The following ATP8B3 variants were observed in gnomAD, a reference collection of about 807,000 sequenced individuals.
The protein encoded by ATP8B3 is ATPase phospholipid transporting 8B3.
A neutral mutation model predicts 140.9 loss-of-function variants in ATP8B3; 141 were observed. The ratio of observed to expected loss-of-function variants is 1.00; its 90% CI spans 0.87 to 1.15. The LOEUF is 1.15. Among genes scored for constraint, ATP8B3 ranks in the 50% most tolerant of loss-of-function variants. The probability of loss-of-function intolerance (pLI) is 0.00; values close to 1 mark genes in which losing one functional copy is unlikely to be tolerated. For synonymous variants in ATP8B3, 765 were observed against 714.6 expected (o/e 1.07, Z -1.13); for missense variants, 1,874 against 1,740.6 (o/e 1.08, Z -1.36).
rs1224465181 is a variant in ATP8B3, at chr19:1,806,599, C to T, written c.677+29G>A. 9.7e-6 allele frequency: 15 copies of T among 1,551,376 alleles called. No individual in the cohort carries two copies. The highest frequency in any genetic ancestry group is 5.9e-5 in the South Asian group (5 of 84,104). On this transcript the variant is annotated intron_variant, in intron 7 of 28. Transcript: ENST00000310127. The surrounding 1 kb of genome is among the most constrained non-coding windows in gnomAD (Gnocchi z 5.6). ...CTGGGCTGGAGCCCCCGTGTCCCCG[C>T]GGATCCCCAGCTGCAGCCCCAGCCT...
In ATP8B3 at chr19:1,806,869, T is replaced by C. The variant is rs1397505150; in HGVS notation, c.616-180A>G. ...GTGGGGGCCACTGGACCCACTGCTA[T>C]TGGCGGGGAGAAGACAGGCGTGCTG... On this transcript the variant is annotated intron_variant, in intron 6 of 28. Coordinates refer to ENST00000310127, the MANE Select transcript of ATP8B3 (RefSeq NM_138813.4). The surrounding 1 kb of genome is among the most constrained non-coding windows in gnomAD (Gnocchi z 5.6). Among the ~76,000 whole-genome samples, 2 of 152,064 alleles carry C rather than the reference T, an allele frequency of 1.3e-5. No homozygotes were observed. Among genetic ancestry groups the C allele is most frequent in the Admixed American group, 1.3e-4 (2 of 15,284 alleles).
In ATP8B3 at chr19:1,796,993, T is replaced by C. The variant is rs748838146; in HGVS notation, c.1565A>G (p.Glu522Gly). The change falls in exon 15 of 29, where the codon GAG becomes GGG. Residue 522 changes from glutamate (E) to glycine (G), a missense_variant. Physicochemically the swap from Glu to Gly is moderately conservative, Grantham distance 98. Around this residue, in one of 3 missense-constraint regions of ATP8B3, gnomAD observed 1,032 missense variants for 963.6 expected, o/e 1.07. Coordinates refer to ENST00000310127, the MANE Select transcript of ATP8B3 (RefSeq NM_138813.4). ...GCTCACCTTAGGTCGGGTCGTGGCCTCTGAATCCGGCCCTGGGGAAAGACA... is the reference window on the plus strand; with the variant it reads ...GCTCACCTTAGGTCGGGTCGTGGCCCCTGAATCCGGCCCTGGGGAAAGACA... ...ISGRVYGPDS[E>G]ATTRPKENPY... 1.2e-6 allele frequency: 2 copies of C among 1,613,022 alleles called. No homozygotes were observed. Among genetic ancestry groups the C allele is most frequent in the Non-Finnish European group, 1.7e-6 (2 of 1,179,790 alleles).
chr19:1,791,658 G>A, intron 20 of ATP8B3, 92 bp downstream of exon 20: 1 of 996,148 alleles, frequency 1.0e-6, no homozygotes, highest in South Asian at 1.4e-5. Flanking sequence ...CTCCCAAAGT[G>A]CTGGGATGAC....
chr19:1,798,917 C>A (rs1334462033), intron 14 of ATP8B3: 1 of 151,442 alleles, frequency 6.6e-6, no homozygotes, highest in Non-Finnish European at 1.5e-5. Context: ...CGGAGGCAGG[C>A]GGATCGCTTA....
Position 1,794,088 on chromosome 19 carries a change from T to C in ATP8B3, c.2055+1787A>G, listed in dbSNP as rs1003444396. 2.0e-5 allele frequency among the ~76,000 whole-genome samples: 3 copies of C among 151,574 alleles called. No individual in the cohort carries two copies. Among genetic ancestry groups the C allele is most frequent in the Admixed American group, 6.6e-5 (1 of 15,244 alleles). On this transcript the variant is annotated intron_variant, in intron 18 of 28. Coordinates refer to ENST00000310127, the MANE Select transcript of ATP8B3 (RefSeq NM_138813.4). This position sits in a 1 kb window ranked among gnomAD's most constrained non-coding sequence, Gnocchi z 4.8. ...TGTCGCCCAGGCTGGAGTGCAGTGG[T>C]GCGATCACAGCTTGCTGTAGCCTCC...
chr19:1,797,544 G>C (rs2068721726), intron 14 of ATP8B3, among the ~76,000 whole-genome samples: 1 of 150,500 alleles, frequency 6.6e-6, no homozygotes, highest in African/African-American at 2.5e-5. Context: ...CTGTCGCCCA[G>C]ACTGGAGTGC....
rs534964518 is a variant in ATP8B3, at chr19:1,806,124, G to C, written c.723C>G (p.Val241=). 1 of 1,603,628 alleles carries C rather than the reference G, an allele frequency of 6.2e-7. No homozygotes were observed. The highest frequency in any genetic ancestry group is 1.7e-5 in the Admixed American group (1 of 58,658). ...KWQDLCVGDV[V]CLRKDNIVPA... The stretch of plus-strand genomic sequence containing the variant: ...GGACGATGTTGTCCTTGCGGAGACA[G>C]ACCACATCCCCCACGCACAGATCCT... The change falls in exon 8 of 29, where the codon GTC becomes GTG. Residue 241 remains valine (V), a synonymous_variant. Coordinates refer to ENST00000310127, the MANE Select transcript of ATP8B3 (RefSeq NM_138813.4). The surrounding 1 kb of genome is among the most constrained non-coding windows in gnomAD (Gnocchi z 5.6).
chr19:1,787,575 A>G (rs530864137), intron 24 of ATP8B3, among the ~76,000 whole-genome samples: 2 of 152,106 alleles, frequency 1.3e-5, no homozygotes, highest in East Asian at 3.9e-4. Flanking sequence ...CTAAAAATAT[A>G]AAAAGTAGCT....
intron 5 of ATP8B3, 45 bp downstream of exon 5, chr19:1,808,177 C>G: frequency 6.8e-7 from 1 of 1,466,114 alleles, no homozygotes; most frequent in Non-Finnish European, 9.5e-7. Context: ...ATCGATGCTG[C>G]CAGGTGGCTA....
chr19:1,793,279 T>A (rs969399740), intron 18 of ATP8B3, among the ~76,000 whole-genome samples: 25 of 151,950 alleles, frequency 1.6e-4, no homozygotes, highest in Non-Finnish European at 1.9e-4. Context: ...ATATATATAT[T>A]TTTTAAATAG....
Position 1,805,521 on chromosome 19 carries a change from C to T in ATP8B3, c.822-65G>A, listed in dbSNP as rs933144013. 1 of 1,349,350 alleles carries T rather than the reference C, an allele frequency of 7.4e-7. No homozygotes were observed. The highest frequency in any genetic ancestry group is 1.5e-5 in the African/African-American group (1 of 68,854). The allele number at this position is 1,349,350 out of a possible 1,614,324, so 83.6% of individuals were successfully genotyped here. ...TGGATGCTTCGAGGAGCCCCCAGAC[C>T]CCTTCTGGAGTCACTCAAACATTTT... On this transcript the variant is annotated intron_variant, in intron 9 of 28. Transcript: ENST00000310127. The surrounding 1 kb of genome is among the most constrained non-coding windows in gnomAD (Gnocchi z 5.2).
In ATP8B3 at chr19:1,802,661, T is replaced by C. The variant is rs747216907; in HGVS notation, c.905-16A>G. On this transcript the variant is annotated splice_polypyrimidine_tract_variant and intron_variant, in intron 10 of 28. Transcript: ENST00000310127. Reference sequence around the variant, plus strand: ...GTCACTGTGCCTGTGGGTGGCCAGGTGGTCAGTGGGTCAGTGGGCTCAGGC... The same window carrying C: ...GTCACTGTGCCTGTGGGTGGCCAGGCGGTCAGTGGGTCAGTGGGCTCAGGC... 5.6e-6 allele frequency: 9 copies of C among 1,603,870 alleles called. No homozygotes were observed. In the South Asian group the frequency reaches 1.0e-4, roughly 18 times the overall value.
Position 1,805,797 on chromosome 19 carries a change from G to T in ATP8B3, c.821+91C>A. On this transcript the variant is annotated intron_variant, in intron 9 of 28. Coordinates refer to ENST00000310127, the MANE Select transcript of ATP8B3 (RefSeq NM_138813.4). The surrounding 1 kb of genome is among the most constrained non-coding windows in gnomAD (Gnocchi z 5.2). ...TGACCAAAGTCTCTGAGCGACCTTG[G>T]CTGGCCGCCTCCTTGGTGACTGGGG... The T allele has an allele frequency of 6.6e-7, 1 of 1,512,206 alleles. No individual in the cohort carries two copies. Among genetic ancestry groups the T allele is most frequent in the Non-Finnish European group, 9.1e-7 (1 of 1,100,432 alleles). 93.7% of individuals were successfully genotyped at this position (1,512,206 alleles called of 1,614,324 possible).
chr19:1,785,869 G>T (rs1460159286), intron 25 of ATP8B3, among the ~76,000 whole-genome samples, 161 bp from the exon 26 acceptor site: 1 of 152,148 alleles, frequency 6.6e-6, no homozygotes, highest in East Asian at 1.9e-4. Context: ...GGTGGCACAC[G>T]CCTGTAATCT....
chr19:1,797,200 G>A (rs1045423269), intron 14 of ATP8B3, among the ~76,000 whole-genome samples, 195 bp from the exon 15 acceptor site: 6 of 152,174 alleles, frequency 3.9e-5, no homozygotes, highest in South Asian at 2.1e-4. Context: ...TGCAGAAAGC[G>A]GGGAAGAGGG....
At chr19:1,796,917 C>T (rs1382445523) in intron 15 of ATP8B3, 38 bp from the exon 16 acceptor site, 8 of 1,610,856 alleles carry the variant, frequency 5.0e-6, no homozygotes, top group Non-Finnish European at 4.2e-6. Flanking sequence ...TGTGGGTGGG[C>T]CGCTCCCCGT....
At chr19:1,797,788 C>G (rs116345175) in intron 14 of ATP8B3, among the ~76,000 whole-genome samples, 1 of 151,836 alleles carries the variant, frequency 6.6e-6, no homozygotes, top group South Asian at 2.1e-4. Flanking sequence ...GCGTAGCCAC[C>G]GCACCCAGCC....
chr19:1,805,291 A>G lies in ATP8B3; in HGVS notation c.904+83T>C, dbSNP rs2068975140. 2.2e-6 allele frequency: 3 copies of G among 1,365,976 alleles called. No individual in the cohort carries two copies. Among genetic ancestry groups the G allele is most frequent in the Non-Finnish European group, 1.0e-6 (1 of 979,580 alleles). 84.6% of individuals were successfully genotyped at this position (1,365,976 alleles called of 1,614,324 possible). A position where few individuals can be genotyped will look rare whatever the true frequency, so the allele number is the denominator to read the frequency against. On this transcript the variant is annotated intron_variant, in intron 10 of 28. Coordinates refer to ENST00000310127, the MANE Select transcript of ATP8B3 (RefSeq NM_138813.4). This position sits in a 1 kb window ranked among gnomAD's most constrained non-coding sequence, Gnocchi z 5.2. ...GGCCTGGCCAGCACCTTGTTTTAAAAACAGTAATAACAACAACAAAATACC... is the reference window on the plus strand; with the variant it reads ...GGCCTGGCCAGCACCTTGTTTTAAAGACAGTAATAACAACAACAAAATACC...
At chr19:1,793,867 C>G (rs759104703) in intron 18 of ATP8B3, among the ~76,000 whole-genome samples, 1 of 152,020 alleles carries the variant, frequency 6.6e-6, no homozygotes, top group Non-Finnish European at 1.5e-5. Context: ...CTCAGCCTCC[C>G]GAGTAGCTGA....
Sources: allele counts gnomAD v4.1 joint callset (sites outside exome capture counted in the v4.1 genomes callset), GRCh38; gene constraint gnomAD v4.1.1; regional missense constraint gnomAD v4.1.1; non-coding constraint Gnocchi (gnomAD v3.1); transcripts MANE v1.5; gene names NCBI Gene and HGNC (gene_info 2026-07-23, HGNC 2026-07-21).